ARHGAP10: variants seen among roughly 807,000 people sequenced by gnomAD.
The protein encoded by ARHGAP10 is rho GTPase-activating protein 10.
In ARHGAP10, 87 loss-of-function variants were observed where a neutral mutation model predicts 108.6. That is an observed-to-expected ratio of 0.80 (90% confidence interval 0.67 to 0.96). The LOEUF is 0.96. Ranked by LOEUF, ARHGAP10 falls within the 40% of genes least tolerant of loss-of-function variation. The pLI is 0.00. For synonymous variants in ARHGAP10, 347 were observed against 341.1 expected (o/e 1.02, Z -0.19); for missense variants, 939 against 954.5 (o/e 0.98, Z 0.21).
chr4:148,001,579 T>C (rs1248744903), intron 18 of ARHGAP10, among the ~76,000 whole-genome samples: 1 of 151,842 alleles, frequency 6.6e-6, no homozygotes, highest in East Asian at 1.9e-4. Context: ...TTGTGTCCTC[T>C]TTTATTTCAT....
intron 13 of ARHGAP10, among the ~76,000 whole-genome samples, chr4:147,937,400 T>G (rs1737998260): frequency 1.3e-5 from 2 of 152,042 alleles, no homozygotes; most frequent in Non-Finnish European, 2.9e-5. Context: ...TTTCAAGACC[T>G]TATTTCTAAA....
At chr4:148,019,345 G>T (rs1473346384) in intron 18 of ARHGAP10, among the ~76,000 whole-genome samples, 1 of 152,184 alleles carries the variant, frequency 6.6e-6, no homozygotes, top group East Asian at 1.9e-4. Flanking sequence ...GCTACTGTGT[G>T]CCAGGGACTG....
At chr4:147,887,552 C>T (rs7661267) in intron 10 of ARHGAP10, among the ~76,000 whole-genome samples, 143,878 of 152,176 alleles carry the variant, frequency 0.95, 68,469 homozygotes, top group Non-Finnish European at 1. Flanking sequence ...AAAAAGCTAT[C>T]ATATTTATGG....
chr4:148,043,496 C>T lies in ARHGAP10; in HGVS notation c.1868-3396C>T, dbSNP rs537471666. On this transcript the variant is annotated intron_variant, in intron 19 of 22. Transcript: ENST00000336498. The stretch of plus-strand genomic sequence containing the variant: ...TTGTGGGATTTAAAATCTTTATTCC[C>T]AGCCAGGGGTGGTGGCTCATACTTG... Among the ~76,000 whole-genome samples the T allele has an allele frequency of 4.7e-5, 7 of 150,408 alleles. No homozygotes were observed. In the South Asian group the frequency reaches 1.5e-3, roughly 32 times the overall value.
chr4:147,736,468 C>G (rs1006634399), intron 1 of ARHGAP10, among the ~76,000 whole-genome samples: 2 of 152,014 alleles, frequency 1.3e-5, no homozygotes, highest in Admixed American at 6.6e-5. Context: ...TAAACTTGAG[C>G]CTTGGTTTCC....
intron 1 of ARHGAP10, among the ~76,000 whole-genome samples, chr4:147,821,459 A>T (rs1732496116): frequency 6.6e-6 from 1 of 152,166 alleles, no homozygotes; most frequent in Non-Finnish European, 1.5e-5. Flanking sequence ...GTATGATCCA[A>T]AAGTTTTACA....
At chr4:147,927,862 A>G (rs1316758786) in intron 13 of ARHGAP10, among the ~76,000 whole-genome samples, 2 of 152,200 alleles carry the variant, frequency 1.3e-5, no homozygotes. Context: ...CCTGTATTAG[A>G]TACTGGGATC....
Position 147,877,818 on chromosome 4 carries a change from A to C in ARHGAP10, c.833-1414A>C, listed in dbSNP as rs1216553611. On this transcript the variant is annotated intron_variant, in intron 8 of 22. Coordinates refer to ENST00000336498, the MANE Select transcript of ARHGAP10 (RefSeq NM_024605.4). ...GAGTCTTAGATTTCTTATTCTTCAT[A>C]CTTTTTTTTTTTTTTTGCTGAGATT... 4.8e-5 allele frequency among the ~76,000 whole-genome samples: 5 copies of C among 103,728 alleles called. No homozygotes were observed. The East Asian group carries it at 1.3e-3, about 27-fold the overall frequency. The allele number at this position is 103,728 out of a possible 152,430, so 68.0% of individuals were successfully genotyped here. A position where few individuals can be genotyped will look rare whatever the true frequency, so the allele number is the denominator to read the frequency against.
chr4:147,847,762 G>T (rs1360730091), intron 4 of ARHGAP10, among the ~76,000 whole-genome samples: 1 of 152,182 alleles, frequency 6.6e-6, no homozygotes, highest in Non-Finnish European at 1.5e-5. Flanking sequence ...GGGATTCAAA[G>T]GTGAGTGAAC....
At position 147,732,295 on chromosome 4, in the gene ARHGAP10, T is replaced by C. The variant is rs1356073346; in HGVS notation, c.-7T>C. Reference sequence around the variant, plus strand: ...GCCGTGCGCACCGCGCAGCGACCGCTGCCGTCATGGGGCTGCAGCCCCTGG... The same window carrying C: ...GCCGTGCGCACCGCGCAGCGACCGCCGCCGTCATGGGGCTGCAGCCCCTGG... On this transcript the variant is annotated 5_prime_UTR_variant, in exon 1 of 23. Transcript: ENST00000336498. The C allele has an allele frequency of 2.5e-6, 4 of 1,604,176 alleles. No homozygotes were observed. In the Admixed American group the frequency reaches 6.7e-5, roughly 27 times the overall value.
chr4:147,909,899 A>T, intron 12 of ARHGAP10, 122 bp downstream of exon 12: 2 of 893,576 alleles, frequency 2.2e-6, no homozygotes, highest in Non-Finnish European at 3.5e-6. Context: ...ACAGAGGGGT[A>T]TTACACGTAA....
chr4:147,960,491 A>C (rs1159532766), intron 16 of ARHGAP10, among the ~76,000 whole-genome samples: 2 of 152,220 alleles, frequency 1.3e-5, no homozygotes, highest in Non-Finnish European at 2.9e-5. Context: ...AATATCTGTG[A>C]TACATTAAAT....
chr4:147,857,541 T>A lies in ARHGAP10; in HGVS notation c.385-12T>A. ...TGTTTCTGTTTAATCATAGTTTTTT[T>A]TTTATTTGTAGGAAGAAAAAAAGAA... On this transcript the variant is annotated splice_polypyrimidine_tract_variant and intron_variant, in intron 4 of 22. Coordinates refer to ENST00000336498, the MANE Select transcript of ARHGAP10 (RefSeq NM_024605.4). The A allele has an allele frequency of 6.8e-7, 1 of 1,473,370 alleles. No homozygotes were observed. Among genetic ancestry groups the A allele is most frequent in the Non-Finnish European group, 9.0e-7 (1 of 1,111,052 alleles). The allele number at this position is 1,473,370 out of a possible 1,614,324, so 91.3% of individuals were successfully genotyped here. A position where few individuals can be genotyped will look rare whatever the true frequency, so the allele number is the denominator to read the frequency against.
At chr4:147,899,366 T>A (rs1449778715) in intron 10 of ARHGAP10, among the ~76,000 whole-genome samples, 1 of 152,086 alleles carries the variant, frequency 6.6e-6, no homozygotes, top group Non-Finnish European at 1.5e-5. Context: ...TCTGTGTGTC[T>A]TTGTCTTCTG....
intron 20 of ARHGAP10, among the ~76,000 whole-genome samples, chr4:148,050,170 A>G (rs930659022): frequency 2.6e-5 from 4 of 151,422 alleles, no homozygotes; most frequent in Non-Finnish European, 5.9e-5. Flanking sequence ...CCCTGCCATA[A>G]CCTTGTTAAT....
At chr4:147,737,718 T>A (rs1728478886) in intron 1 of ARHGAP10, among the ~76,000 whole-genome samples, 1 of 152,130 alleles carries the variant, frequency 6.6e-6, no homozygotes, top group Non-Finnish European at 1.5e-5. Flanking sequence ...TGGTCTCCAG[T>A]GTGAATGTAG....
intron 1 of ARHGAP10, among the ~76,000 whole-genome samples, chr4:147,766,717 A>G (rs1474336381): frequency 6.9e-6 from 1 of 145,916 alleles, no homozygotes; most frequent in Non-Finnish European, 1.5e-5. Flanking sequence ...CAAAAAATAT[A>G]TATAATATAA....
intron 17 of ARHGAP10, among the ~76,000 whole-genome samples, chr4:147,965,574 C>G (rs1419225973): frequency 4.6e-5 from 7 of 152,136 alleles, no homozygotes; most frequent in Non-Finnish European, 8.8e-5. Flanking sequence ...AGAAATTAGC[C>G]CTTTCTTTAA....
intron 18 of ARHGAP10, among the ~76,000 whole-genome samples, chr4:147,969,727 A>G (rs1276515950): frequency 2.0e-5 from 3 of 152,146 alleles, no homozygotes; most frequent in Non-Finnish European, 4.4e-5. Flanking sequence ...TCTTACAGGA[A>G]TTTTCCAGTA....
Sources: gnomAD v4.1 joint callset for allele counts (sites outside exome capture counted in the v4.1 genomes callset) on GRCh38, gnomAD v4.1.1 for gene constraint, MANE v1.5 for transcripts, NCBI Gene and HGNC (gene_info 2026-07-23, HGNC 2026-07-21) for gene names.